The following RORA variants were observed in gnomAD, a reference collection of about 807,000 sequenced individuals.
RORA encodes the protein nuclear receptor ROR-alpha.
A neutral mutation model predicts 69.5 loss-of-function variants in RORA; 7 were observed. That is an observed-to-expected ratio of 0.10 (90% confidence interval 0.06 to 0.19). The LOEUF is 0.19. Ranked by LOEUF, RORA falls within the 10% of genes least tolerant of loss-of-function variation. The pLI, the probability that RORA is intolerant of heterozygous loss-of-function variation, is 1.00. For synonymous variants in RORA, 261 were observed against 240.8 expected, an observed-to-expected ratio of 1.08 and a Z score of -0.78; for missense variants, 457 against 663.0, an observed-to-expected ratio of 0.69 and a Z score of 3.41.
At chr15:60,911,455 T>C (rs1472377448) in intron 1 of RORA, among the ~76,000 whole-genome samples, 1 of 152,210 alleles carries the variant, frequency 6.6e-6, no homozygotes, top group Non-Finnish European at 1.5e-5. Context: ...GATAGTTGCC[T>C]TCCTGTTGTG....
At chr15:61,129,092 C>T (rs897069758) in intron 1 of RORA, among the ~76,000 whole-genome samples, 1 of 152,186 alleles carries the variant, frequency 6.6e-6, no homozygotes, top group African/African-American at 2.4e-5. Context: ...GAAAATCAAA[C>T]TCTGCATTTG....
At chr15:61,051,450 G>A (rs1897285726) in intron 1 of RORA, among the ~76,000 whole-genome samples, 1 of 152,254 alleles carries the variant, frequency 6.6e-6, no homozygotes, top group South Asian at 2.1e-4. Flanking sequence ...TGGTGTGCAG[G>A]TGTTTGCGGC....
chr15:60,998,868 T>C (rs1216902907), intron 1 of RORA, among the ~76,000 whole-genome samples: 1 of 152,202 alleles, frequency 6.6e-6, no homozygotes, highest in East Asian at 1.9e-4. Context: ...ATATTCGTTT[T>C]TCAGAGCAAG....
At chr15:61,143,812 C>T (rs185045503) in intron 1 of RORA, among the ~76,000 whole-genome samples, 11 of 151,934 alleles carry the variant, frequency 7.2e-5, no homozygotes, top group East Asian at 1.9e-4. Context: ...AAGATCTTAG[C>T]GGAAACAAAG....
chr15:61,165,866 T>C (rs1355877164), intron 1 of RORA, among the ~76,000 whole-genome samples: 1 of 152,236 alleles, frequency 6.6e-6, no homozygotes, highest in East Asian at 1.9e-4. Context: ...AGAGACCTCA[T>C]TTAATCCCCA....
chr15:60,827,417 T>A (rs901191544), intron 1 of RORA, among the ~76,000 whole-genome samples: 4 of 152,232 alleles, frequency 2.6e-5, no homozygotes, highest in African/African-American at 9.6e-5. Flanking sequence ...AACTCATTTG[T>A]TTATTTGTTA....
intron 1 of RORA, among the ~76,000 whole-genome samples, chr15:60,731,524 G>A (rs931244964): frequency 1.3e-4 from 20 of 152,164 alleles, no homozygotes; most frequent in African/African-American, 4.6e-4. Context: ...CAAATTAGCC[G>A]AAGAATCAGT....
intron 2 of RORA, among the ~76,000 whole-genome samples, chr15:60,648,727 T>G (rs1442886225): frequency 2.6e-5 from 4 of 152,032 alleles, no homozygotes; most frequent in African/African-American, 9.7e-5. Flanking sequence ...TCTAATAGAG[T>G]TAATTTTATC....
At chr15:61,139,884 G>C (rs187475514) in intron 1 of RORA, among the ~76,000 whole-genome samples, 107 of 152,244 alleles carry the variant, frequency 7.0e-4, no homozygotes, top group African/African-American at 2.3e-3. Context: ...CCCTTGCCCT[G>C]GGTTTTCTTT....
chr15:60,926,138 T>C (rs1207665272), intron 1 of RORA, among the ~76,000 whole-genome samples: 1 of 152,226 alleles, frequency 6.6e-6, no homozygotes, highest in Non-Finnish European at 1.5e-5. Context: ...ATGACAGGTA[T>C]ACATCTATGG....
intron 2 of RORA, among the ~76,000 whole-genome samples, chr15:60,633,402 T>G (rs2069777699): frequency 6.6e-6 from 1 of 152,252 alleles, no homozygotes; most frequent in Non-Finnish European, 1.5e-5. Context: ...TTTCTTTAAC[T>G]TATAATATAT....
chr15:61,150,440 A>G (rs1174563740), intron 1 of RORA, among the ~76,000 whole-genome samples: 2 of 152,190 alleles, frequency 1.3e-5, no homozygotes, highest in East Asian at 3.8e-4. Flanking sequence ...GTCTATATTT[A>G]ATGACCTTGT....
chr15:60,945,855 T>C (rs1352210338), intron 1 of RORA, among the ~76,000 whole-genome samples: 1 of 152,188 alleles, frequency 6.6e-6, no homozygotes, highest in Non-Finnish European at 1.5e-5. Flanking sequence ...CAAGCTAACC[T>C]ATCAACCTAG....
chr15:60,946,912 CG>C (rs1240808837), intron 1 of RORA, among the ~76,000 whole-genome samples: 1 of 152,028 alleles, frequency 6.6e-6, no homozygotes, highest in African/African-American at 2.4e-5. Context: ...CGCCTCTGCC[CG>C]GCCCCGACCC....
chr15:60,835,757 G>A (rs909637307), intron 1 of RORA, among the ~76,000 whole-genome samples: 3 of 152,156 alleles, frequency 2.0e-5, no homozygotes, highest in Non-Finnish European at 2.9e-5. Context: ...CTATTGAATC[G>A]TTACGATCCT....
chr15:60,573,713 C>T (rs2067948423), intron 2 of RORA, among the ~76,000 whole-genome samples: 1 of 152,230 alleles, frequency 6.6e-6, no homozygotes, highest in African/African-American at 2.4e-5. Flanking sequence ...TTGGCAATAA[C>T]CTTCCTTTGC....
chr15:61,124,232 A>G (rs2079125555), intron 1 of RORA, among the ~76,000 whole-genome samples: 1 of 152,218 alleles, frequency 6.6e-6, no homozygotes, highest in Non-Finnish European at 1.5e-5. Context: ...GGGCTCAGGG[A>G]TAATGCAAAC....
chr15:60,503,883 A>G (rs1258537581), intron 6 of RORA, among the ~76,000 whole-genome samples: 5 of 152,048 alleles, frequency 3.3e-5, no homozygotes. Flanking sequence ...GCTCACTGCA[A>G]CCTCTGCCTC....
chr15:60,820,476 C>G (rs1375524463), intron 1 of RORA, among the ~76,000 whole-genome samples: 1 of 152,046 alleles, frequency 6.6e-6, no homozygotes. Context: ...TTATGTAAAA[C>G]ATAGGAAAAG....
Sources: allele counts gnomAD v4.1 joint callset (sites outside exome capture counted in the v4.1 genomes callset), GRCh38; gene constraint gnomAD v4.1.1; transcripts MANE v1.5; gene names NCBI Gene and HGNC (gene_info 2026-07-23, HGNC 2026-07-21).